CEP128: variants seen among roughly 807,000 people sequenced by gnomAD.
CEP128 encodes the protein centrosomal protein 128, also known as centrosomal protein 128kDa.
A neutral mutation model predicts 156.7 loss-of-function variants in CEP128; 132 were observed. The observed-to-expected ratio is 0.84, with a 90% CI of 0.73 to 0.97. CEP128 has a LOEUF of 0.97. Among genes scored for constraint, CEP128 ranks in the 50% least tolerant of loss-of-function variants. The pLI, the probability that CEP128 is intolerant of heterozygous loss-of-function variation, is 0.00. For synonymous variants in CEP128, 469 were observed against 448.9 expected, an observed-to-expected ratio of 1.04 and a Z score of -0.57; for missense variants, 1,252 against 1,281.9, an observed-to-expected ratio of 0.98 and a Z score of 0.36.
intron 3 of CEP128, among the ~76,000 whole-genome samples, chr14:80,916,086 C>T (rs545109037): frequency 1.3e-5 from 2 of 152,168 alleles, no homozygotes; most frequent in Non-Finnish European, 2.9e-5. Context: ...CCCTTCCCTG[C>T]TGGCTTTGAA....
chr14:80,617,217 A>ACCTTTTTTTTT (rs1491470595), intron 19 of CEP128, among the ~76,000 whole-genome samples: 10 of 43,132 alleles, frequency 2.3e-4, no homozygotes, highest in South Asian at 8.5e-4. Flanking sequence ...TGTGAATATC[A>ACCTTTTTTTTT]TCTTTTTTTT....
At chr14:80,745,245 C>T (rs327439) in intron 18 of CEP128, among the ~76,000 whole-genome samples, 74,839 of 151,808 alleles carry the variant, frequency 0.49, 19,139 homozygotes, top group East Asian at 0.72. Context: ...ACAAGACATG[C>T]TTGCTTCCCT....
chr14:80,724,953 TTA>T lies in CEP128; in HGVS notation c.2806+18120_2806+18121del, dbSNP rs1290897494. Among the ~76,000 whole-genome samples the T allele has an allele frequency of 4.1e-5, 6 of 147,530 alleles. No individual in the cohort carries two copies. The East Asian group carries it at 1.2e-3, about 29-fold the overall frequency. On this transcript the variant is annotated intron_variant, in intron 19 of 24. Coordinates refer to ENST00000555265, the MANE Select transcript of CEP128 (RefSeq NM_152446.5). Reference sequence around the variant, plus strand: ...CCTACTATATATATATATCATACATTTATATATAATATATATCATACATATAT... The same window carrying T: ...CCTACTATATATATATATCATACATTTATATAATATATATCATACATATAT...
At chr14:80,644,104 C>G (rs934392319) in intron 19 of CEP128, among the ~76,000 whole-genome samples, 1 of 152,114 alleles carries the variant, frequency 6.6e-6, no homozygotes, top group Admixed American at 6.6e-5. Context: ...CCAAGTAACG[C>G]TAAAGATTGC....
chr14:80,837,373 G>C (rs1039106492), intron 11 of CEP128, among the ~76,000 whole-genome samples: 1 of 152,154 alleles, frequency 6.6e-6, no homozygotes, highest in African/African-American at 2.4e-5. Context: ...AACATCAGAA[G>C]CGCCAAACTC....
intron 19 of CEP128, among the ~76,000 whole-genome samples, chr14:80,656,356 A>AAC (rs1566838079): frequency 8.4e-6 from 1 of 118,754 alleles, no homozygotes; most frequent in Non-Finnish European, 1.8e-5. Flanking sequence ...TAAAAAAAAA[A>AAC]CAACTAATTC....
chr14:80,505,656 C>T (rs1320910517), intron 23 of CEP128, among the ~76,000 whole-genome samples: 1 of 152,134 alleles, frequency 6.6e-6, no homozygotes, highest in Non-Finnish European at 1.5e-5. Context: ...GGTCCTTCTC[C>T]TCATGTATTA....
chr14:80,875,548 T>C (rs1171835687), intron 8 of CEP128, among the ~76,000 whole-genome samples: 2 of 152,168 alleles, frequency 1.3e-5, no homozygotes, highest in African/African-American at 2.4e-5. Flanking sequence ...AATGAAGCTA[T>C]GAGACACAGA....
At chr14:80,810,472 G>A (rs1795731180) in intron 13 of CEP128, among the ~76,000 whole-genome samples, 1 of 151,822 alleles carries the variant, frequency 6.6e-6, no homozygotes, top group Admixed American at 6.6e-5. Context: ...TGACTGAATG[G>A]ATTTTTAAAA....
At chr14:80,484,942 A>G (rs913039039) in intron 14 of CEP128, among the ~76,000 whole-genome samples, 1 of 152,162 alleles carries the variant, frequency 6.6e-6, no homozygotes, top group Non-Finnish European at 1.5e-5. Flanking sequence ...GGGAAAGGGT[A>G]GAGAAATCTG....
chr14:80,662,475 G>C (rs1176837294), intron 19 of CEP128, among the ~76,000 whole-genome samples: 1 of 152,080 alleles, frequency 6.6e-6, no homozygotes, highest in Non-Finnish European at 1.5e-5. Flanking sequence ...TTTTGCAAGA[G>C]TGAAGACAGA....
At chr14:80,840,180 T>G (rs1434010062) in intron 10 of CEP128, among the ~76,000 whole-genome samples, 1 of 152,196 alleles carries the variant, frequency 6.6e-6, no homozygotes, top group Admixed American at 6.5e-5. Context: ...TTGTTTGGCC[T>G]CTGAATTCCT....
chr14:80,577,305 CT>C (rs1393282776), intron 20 of CEP128, among the ~76,000 whole-genome samples: 1 of 152,092 alleles, frequency 6.6e-6, no homozygotes, highest in Non-Finnish European at 1.5e-5. Flanking sequence ...GCATCAAATT[CT>C]GCATGTTCAG....
chr14:80,949,519 A>G (rs1450241595), intron 2 of CEP128, among the ~76,000 whole-genome samples: 1 of 152,102 alleles, frequency 6.6e-6, no homozygotes, highest in Non-Finnish European at 1.5e-5. Flanking sequence ...CTCACAGGGG[A>G]CCAGGAACAG....
At chr14:80,724,113 C>T (rs1216879356) in intron 19 of CEP128, among the ~76,000 whole-genome samples, 1 of 152,170 alleles carries the variant, frequency 6.6e-6, no homozygotes, top group Non-Finnish European at 1.5e-5. Context: ...TATGCTATTG[C>T]TTTCAAATAT....
In CEP128 at chr14:80,845,954, C is replaced by A. The variant is rs78204416; in HGVS notation, c.763-5186G>T. 4.7e-4 allele frequency among the ~76,000 whole-genome samples: 71 copies of A among 152,238 alleles called. No homozygotes were observed. The East Asian group carries it at 0.011, about 24-fold the overall frequency. On this transcript the variant is annotated intron_variant, in intron 9 of 24. Coordinates refer to ENST00000555265, the MANE Select transcript of CEP128 (RefSeq NM_152446.5). The stretch of plus-strand genomic sequence containing the variant: ...ACATAGAAATTGAACAAATCCTGCA[C>A]ACAGAAAATCTCAGTCTATTGTCAG...
intron 19 of CEP128, among the ~76,000 whole-genome samples, chr14:80,595,029 G>T (rs1347477598): frequency 6.6e-6 from 1 of 152,118 alleles, no homozygotes; most frequent in Non-Finnish European, 1.5e-5. Flanking sequence ...GCACACATGT[G>T]TTTATTGCAG....
intron 24 of CEP128, among the ~76,000 whole-genome samples, chr14:80,504,403 G>A (rs1160477839): frequency 2.0e-5 from 3 of 152,112 alleles, no homozygotes; most frequent in Admixed American, 6.5e-5. Flanking sequence ...GAAGGGAGAC[G>A]GCAGGGATAG....
At chr14:80,874,098 G>A (rs1407538901) in intron 8 of CEP128, among the ~76,000 whole-genome samples, 1 of 152,134 alleles carries the variant, frequency 6.6e-6, no homozygotes, top group African/African-American at 2.4e-5. Context: ...TTCACAAGAT[G>A]TATATCTATA....
Sources: gnomAD v4.1 joint callset for allele counts (sites outside exome capture counted in the v4.1 genomes callset) on GRCh38, gnomAD v4.1.1 for gene constraint, MANE v1.5 for transcripts, NCBI Gene and HGNC (gene_info 2026-07-23, HGNC 2026-07-21) for gene names.